Variants in EGFR observed in about 807,000 individuals in gnomAD.
EGFR encodes epidermal growth factor receptor, also known as avian erythroblastic leukemia viral (v-erb-b) oncogene homolog.
A neutral mutation model predicts 143.0 loss-of-function variants in EGFR; 58 were observed. The observed-to-expected ratio is 0.41, with a 90% CI of 0.33 to 0.50. The LOEUF is 0.50. EGFR is among the 20% of genes least tolerant of loss of function. The pLI, the probability that EGFR is intolerant of heterozygous loss-of-function variation, is 0.39. For missense variants in EGFR, 1,307 were observed against 1,579.0 expected, an observed-to-expected ratio of 0.83 and a Z score of 2.92; for synonymous variants, 613 against 594.4, an observed-to-expected ratio of 1.03 and a Z score of -0.45.
chr7:55,151,478 G>T, intron 5 of EGFR, 116 bp downstream of exon 5: 1 of 1,061,206 alleles, frequency 9.4e-7, no homozygotes, highest in Non-Finnish European at 1.4e-6. Context: ...TTATTACAGG[G>T]TCAGATGTGA....
chr7:55,181,259 G>C (rs202058122), intron 19 of EGFR, 34 bp from the exon 20 acceptor site: 3 of 1,613,310 alleles, frequency 1.9e-6, no homozygotes, highest in Non-Finnish European at 2.5e-6. Flanking sequence ...GCCACCATGC[G>C]AAGCCACACT....
At chr7:55,125,770 T>A (rs1033170522) in intron 1 of EGFR, among the ~76,000 whole-genome samples, 13 of 152,252 alleles carry the variant, frequency 8.5e-5, no homozygotes, top group Admixed American at 2.0e-4. Flanking sequence ...CCTTGCACTG[T>A]GCTGTCACAG....
chr7:55,089,943 T>C (rs1242802889), intron 1 of EGFR, among the ~76,000 whole-genome samples: 3 of 1,402 alleles, frequency 2.1e-3, no homozygotes, highest in Non-Finnish European at 7.2e-3. Context: ...ATGCTACTTA[T>C]TTATTTATTT....
intron 1 of EGFR, among the ~76,000 whole-genome samples, chr7:55,058,167 G>A (rs903196691): frequency 8.2e-4 from 125 of 152,282 alleles, no homozygotes; most frequent in African/African-American, 2.7e-3. Flanking sequence ...AGGCCGAGGC[G>A]GGTGGATCAC....
At chr7:55,151,446 C>T (rs969328323) in intron 5 of EGFR, 84 bp downstream of exon 5, 79 of 1,406,526 alleles carry the variant, frequency 5.6e-5, no homozygotes, top group Middle Eastern at 2.0e-4. Flanking sequence ...TGTTTTCCCT[C>T]TGAAGACTCC....
intron 1 of EGFR, among the ~76,000 whole-genome samples, chr7:55,029,529 C>T (rs1787132741): frequency 1.3e-5 from 2 of 152,172 alleles, no homozygotes; most frequent in African/African-American, 4.8e-5. Context: ...GGAAATGAAA[C>T]TTTGCAAAGG....
intron 4 of EGFR, among the ~76,000 whole-genome samples, chr7:55,148,337 G>T (rs1232137825): frequency 6.6e-6 from 1 of 152,068 alleles, no homozygotes; most frequent in Non-Finnish European, 1.5e-5. Flanking sequence ...AGGTCAGGCA[G>T]CCCACAATGG....
rs1006052161 is a variant in EGFR at position 55,171,010 on chromosome 7, C to T, written c.1881-165C>T. 5 of 1,477,300 alleles carry T rather than the reference C, an allele frequency of 3.4e-6. No homozygotes were observed. In the Admixed American group the frequency reaches 9.1e-5, roughly 27 times the overall value. The allele number at this position is 1,477,300 out of a possible 1,614,324, so 91.5% of individuals were successfully genotyped here. On this transcript the variant is annotated intron_variant, in intron 15 of 27. Coordinates refer to ENST00000275493, the MANE Select transcript of EGFR (RefSeq NM_005228.5). ...GAGTGAATGAACAAATGAATAAATG[C>T]ATAATAAATAATTAACCACCAATCC...
intron 1 of EGFR, among the ~76,000 whole-genome samples, chr7:55,105,435 T>C (rs1405153702): frequency 2.6e-5 from 4 of 152,242 alleles, no homozygotes; most frequent in Non-Finnish European, 4.4e-5. Flanking sequence ...TTTTCTGTTG[T>C]TGGCAGAGAG....
At chr7:55,093,569 C>T (rs1030936556) in intron 1 of EGFR, among the ~76,000 whole-genome samples, 4 of 152,216 alleles carry the variant, frequency 2.6e-5, no homozygotes, top group Admixed American at 2.6e-4. Context: ...CTCAGCCCTA[C>T]TTCCCTTGTC....
In EGFR at chr7:55,156,624, T is replaced by C. The variant is rs995798913; in HGVS notation, c.1098T>C (p.Ser366=). The C allele has an allele frequency of 6.2e-6, 10 of 1,614,140 alleles. No homozygotes were observed. The highest frequency in any genetic ancestry group is 1.3e-5 in the African/African-American group (1 of 75,008). The stretch of plus-strand genomic sequence containing the variant: ...ACTTCAAAAACTGCACCTCCATCAG[T>C]GGCGATCTCCACATCCTGCCGGTGG... ...IKHFKNCTSI[S]GDLHILPVAF... is the part of the protein sequence containing the mutation. The change falls in exon 9 of 28, where the codon AGT becomes AGC. Residue 366 remains serine, a synonymous_variant. Transcript: ENST00000275493.
Position 55,181,314 on chromosome 7 carries a change from G to A in EGFR, c.2305G>A (p.Val769Met), listed in dbSNP as rs147149347. The part of the protein sequence containing the change: ...ILDEAYVMAS[V>M]DNPHVCRLLG... Reference sequence around the variant, plus strand: ...CCAGGAAGCCTACGTGATGGCCAGCGTGGACAACCCCCACGTGTGCCGCCT... The same window carrying A: ...CCAGGAAGCCTACGTGATGGCCAGCATGGACAACCCCCACGTGTGCCGCCT... The change falls in exon 20 of 28, where the codon GTG becomes ATG. Residue 769 changes from valine to methionine, a missense_variant. Physicochemically the swap from Val to Met is conservative, Grantham distance 21. Around this residue, in one of 7 missense-constraint regions of EGFR, gnomAD observed 348 missense variants for 451.5 expected, o/e 0.77. Coordinates refer to ENST00000275493, the MANE Select transcript of EGFR (RefSeq NM_005228.5). 36 of 1,614,058 alleles carry A rather than the reference G, an allele frequency of 2.2e-5. No homozygotes were observed. Among genetic ancestry groups the A allele is most frequent in the Non-Finnish European group, 2.4e-5 (28 of 1,180,052 alleles).
chr7:55,168,668 T>C, intron 15 of EGFR: 1 of 1,325,884 alleles, frequency 7.5e-7, no homozygotes, highest in Non-Finnish European at 1.0e-6. Flanking sequence ...TTCTTTAGTA[T>C]GTGTGATTAC....
chr7:55,068,038 G>GTGTATATA (rs1789613996), intron 1 of EGFR, among the ~76,000 whole-genome samples: 16 of 150,336 alleles, frequency 1.1e-4, no homozygotes, highest in Admixed American at 1.1e-3. Flanking sequence ...ATGTGTATAT[G>GTGTATATA]TGTATGTGTG....
chr7:55,181,358 C>T lies in EGFR; in HGVS notation c.2349C>T (p.Thr783=), dbSNP rs397517122. ...HVCRLLGICL[T]STVQLITQLM... Reference sequence around the variant, plus strand: ...GCCGCCTGCTGGGCATCTGCCTCACCTCCACCGTGCAGCTCATCACGCAGC... The same window carrying T: ...GCCGCCTGCTGGGCATCTGCCTCACTTCCACCGTGCAGCTCATCACGCAGC... The change falls in exon 20 of 28, where the codon ACC becomes ACT. Residue 783 remains threonine, a synonymous_variant. Transcript: ENST00000275493. 1.2e-6 allele frequency: 2 copies of T among 1,614,232 alleles called. No individual in the cohort carries two copies. Among genetic ancestry groups the T allele is most frequent in the Middle Eastern group, 1.6e-4 (1 of 6,062 alleles).
intron 16 of EGFR, among the ~76,000 whole-genome samples, chr7:55,172,572 C>T (rs1431199385): frequency 1.3e-5 from 2 of 152,054 alleles, no homozygotes; most frequent in Non-Finnish European, 2.9e-5. Flanking sequence ...AGAGGCAGTG[C>T]CTGGTCCATG....
intron 1 of EGFR, among the ~76,000 whole-genome samples, chr7:55,023,797 A>T (rs1480613004): frequency 1.3e-5 from 2 of 152,160 alleles, no homozygotes; most frequent in East Asian, 3.8e-4. Flanking sequence ...CCACTAATCC[A>T]TAGAGAATAG....
chr7:55,131,582 G>T (rs1400404174), intron 1 of EGFR, among the ~76,000 whole-genome samples: 1 of 152,180 alleles, frequency 6.6e-6, no homozygotes, highest in Non-Finnish European at 1.5e-5. Context: ...CCACAGGCGG[G>T]GCGGCTTGGG....
At position 55,211,159 on chromosome 7, in the gene EGFR, C is replaced by A. The variant is rs7334; in HGVS notation, c.*5542C>A. On this transcript the variant is annotated 3_prime_UTR_variant, in exon 28 of 28. Transcript: ENST00000275493. ...CCAGCAGAAGCACTAAGAAGCTCCA[C>A]CCTATCACCTAGCAGATAAAACTAT... 0.38 allele frequency: 58,511 copies of A among 152,044 alleles called. 13,175 individuals carry two copies. The highest frequency in any genetic ancestry group is 0.75 in the East Asian group (3,862 of 5,162). The allele number at this position is 152,044 out of a possible 1,614,324, so 9.4% of individuals were successfully genotyped here. A position where few individuals can be genotyped will look rare whatever the true frequency, so the allele number is the denominator to read the frequency against.
Sources: allele counts gnomAD v4.1 joint callset (sites outside exome capture counted in the v4.1 genomes callset), GRCh38; gene constraint gnomAD v4.1.1; regional missense constraint gnomAD v4.1.1; transcripts MANE v1.5; gene names NCBI Gene and HGNC (gene_info 2026-07-23, HGNC 2026-07-21).